The following CMIP variants were observed in gnomAD, a reference collection of about 807,000 sequenced individuals.
CMIP encodes the protein C-Maf-inducing protein.
A neutral mutation model predicts 97.3 loss-of-function variants in CMIP; 13 were observed. The observed-to-expected ratio is 0.13, with a 90% CI of 0.09 to 0.21. The LOEUF is 0.21. Ranked by LOEUF, CMIP falls within the 10% of genes least tolerant of loss-of-function variation. CMIP has a pLI of 1.00. For synonymous variants in CMIP, 538 were observed against 436.3 expected, an observed-to-expected ratio of 1.23 and a Z score of -2.91; for missense variants, 847 against 1,024.9, an observed-to-expected ratio of 0.83 and a Z score of 2.37.
intron 3 of CMIP, among the ~76,000 whole-genome samples, chr16:81,624,253 C>T (rs1329473702): frequency 6.6e-6 from 1 of 151,966 alleles, no homozygotes; most frequent in East Asian, 1.9e-4. Context: ...GGTACGTGTG[C>T]ACAACGTGCA....
intron 3 of CMIP, among the ~76,000 whole-genome samples, chr16:81,650,392 G>A (rs890820862): frequency 2.0e-5 from 3 of 152,178 alleles, no homozygotes; most frequent in South Asian, 2.1e-4. Flanking sequence ...AAAGAAAGGT[G>A]GGCAGGTGGG....
chr16:81,511,754 G>A (rs142403323), intron 1 of CMIP, among the ~76,000 whole-genome samples: 3 of 152,230 alleles, frequency 2.0e-5, no homozygotes, highest in East Asian at 1.9e-4. Flanking sequence ...TAGAGATGGC[G>A]TTTCACCATG....
rs376862596 is a variant in CMIP, at chr16:81,492,532, C to T, written c.300+46991C>T. Among the ~76,000 whole-genome samples, 384 of 152,200 alleles carry T rather than the reference C, an allele frequency of 2.5e-3. 1 individual carries two copies. Among genetic ancestry groups the T allele is most frequent in the African/African-American group, 8.3e-3 (344 of 41,534 alleles). ...GAGCAGGGAGGGGTTTCAGTGGCATCGCGGTGGCCGGGAGCGAGTGTGCTG... is the reference window on the plus strand; with the variant it reads ...GAGCAGGGAGGGGTTTCAGTGGCATTGCGGTGGCCGGGAGCGAGTGTGCTG... On this transcript the variant is annotated intron_variant, in intron 1 of 20. Transcript: ENST00000537098.
chr16:81,561,080 A>G (rs1046867880), intron 1 of CMIP, among the ~76,000 whole-genome samples: 13 of 152,134 alleles, frequency 8.5e-5, no homozygotes, highest in African/African-American at 3.1e-4. Flanking sequence ...TCAGCCTCCT[A>G]AGTAGCTGGG....
chr16:81,540,117 C>T (rs573274343), intron 1 of CMIP, among the ~76,000 whole-genome samples: 5 of 152,346 alleles, frequency 3.3e-5, no homozygotes, highest in African/African-American at 4.8e-5. Flanking sequence ...ATTTGTCAGA[C>T]GTGGAGCACA....
intron 1 of CMIP, among the ~76,000 whole-genome samples, chr16:81,479,863 C>T (rs1908153710): frequency 6.6e-6 from 1 of 152,160 alleles, no homozygotes; most frequent in African/African-American, 2.4e-5. Context: ...ATATTAGGCC[C>T]TCTACAAATG....
At chr16:81,520,321 C>T (rs2089995370) in intron 1 of CMIP, 1 of 152,196 alleles carries the variant, frequency 6.6e-6, no homozygotes, top group Non-Finnish European at 1.5e-5. Flanking sequence ...CTGGGAGCCA[C>T]AAACAGGATC....
intron 2 of CMIP, among the ~76,000 whole-genome samples, chr16:81,613,286 T>C (rs2091861445): frequency 6.6e-6 from 1 of 152,028 alleles, no homozygotes. Context: ...GAAATAATGC[T>C]CACGGATGTC....
intron 1 of CMIP, among the ~76,000 whole-genome samples, chr16:81,521,416 C>T (rs769996428): frequency 6.6e-6 from 1 of 151,966 alleles, no homozygotes; most frequent in African/African-American, 2.4e-5. Context: ...CCCCCGCTGT[C>T]GTTCTGCTCT....
intron 1 of CMIP, among the ~76,000 whole-genome samples, chr16:81,570,088 G>C (rs981550764): frequency 6.6e-6 from 1 of 152,176 alleles, no homozygotes; most frequent in Non-Finnish European, 1.5e-5. Context: ...ATCAATGGGG[G>C]AAGGGGGATG....
At chr16:81,482,862 G>A (rs1392763798) in intron 1 of CMIP, among the ~76,000 whole-genome samples, 2 of 152,238 alleles carry the variant, frequency 1.3e-5, no homozygotes. Flanking sequence ...CAGCCCTGGG[G>A]TCAGCGAGGC....
chr16:81,515,191 C>T (rs1175158782), intron 1 of CMIP, among the ~76,000 whole-genome samples: 4 of 152,218 alleles, frequency 2.6e-5, no homozygotes, highest in Non-Finnish European at 5.9e-5. Context: ...GAGAAACCTA[C>T]TGGGGGCTGT....
At chr16:81,501,524 G>T (rs1250549710) in intron 1 of CMIP, among the ~76,000 whole-genome samples, 2 of 152,192 alleles carry the variant, frequency 1.3e-5, no homozygotes, top group Middle Eastern at 6.8e-3. Flanking sequence ...GAGAAAATGC[G>T]GTAGCTGGGG....
chr16:81,571,117 G>GTAC (rs1422257840), intron 1 of CMIP, among the ~76,000 whole-genome samples: 2 of 152,134 alleles, frequency 1.3e-5, no homozygotes, highest in African/African-American at 4.8e-5. Context: ...GGAACTCTAG[G>GTAC]TACTAACTCA....
At chr16:81,541,351 G>A (rs1001133433) in intron 1 of CMIP, among the ~76,000 whole-genome samples, 1 of 152,128 alleles carries the variant, frequency 6.6e-6, no homozygotes, top group Non-Finnish European at 1.5e-5. Flanking sequence ...AGTCTTTTTG[G>A]AGATGTGTTT....
At chr16:81,570,213 C>T (rs1447749595) in intron 1 of CMIP, among the ~76,000 whole-genome samples, 4 of 152,126 alleles carry the variant, frequency 2.6e-5, no homozygotes, top group Non-Finnish European at 5.9e-5. Context: ...TGGCTGCCTC[C>T]CTTGGTGTAG....
intron 1 of CMIP, among the ~76,000 whole-genome samples, chr16:81,568,378 C>T (rs973398586): frequency 1.3e-5 from 2 of 152,166 alleles, no homozygotes; most frequent in South Asian, 2.1e-4. Context: ...GGGAGCTGTG[C>T]CCCCAACCCC....
At chr16:81,612,652 A>G (rs1345229138) in intron 2 of CMIP, among the ~76,000 whole-genome samples, 1 of 152,198 alleles carries the variant, frequency 6.6e-6, no homozygotes, top group Non-Finnish European at 1.5e-5. Flanking sequence ...AGAACTTGGC[A>G]AGTTTGGGAG....
chr16:81,697,498 G>T (rs1906872977), intron 14 of CMIP: 1 of 152,264 alleles, frequency 6.6e-6, no homozygotes. Flanking sequence ...CACTCAAACT[G>T]GGCTTCCAGT....
Sources: gnomAD v4.1 joint callset for allele counts (sites outside exome capture counted in the v4.1 genomes callset) on GRCh38, gnomAD v4.1.1 for gene constraint, MANE v1.5 for transcripts, NCBI Gene and HGNC (gene_info 2026-07-23, HGNC 2026-07-21) for gene names.